AK6: variants seen among roughly 807,000 people sequenced by gnomAD.
AK6 encodes adenylate kinase isoenzyme 6.
Under a neutral mutation model 23.7 loss-of-function variants are expected in AK6, and 24 were observed. The ratio of observed to expected loss-of-function variants is 1.01; its 90% CI spans 0.73 to 1.43. The LOEUF is 1.43. Ranked by LOEUF, AK6 falls within the 40% of genes most tolerant of loss-of-function variation. AK6 has a pLI of 0.00. For missense variants in AK6, 191 were observed against 199.1 expected, an observed-to-expected ratio of 0.96 and a Z score of 0.24; for synonymous variants, 73 against 69.8, an observed-to-expected ratio of 1.05 and a Z score of -0.23.
intron 4 of AK6, among the ~76,000 whole-genome samples, chr5:69,354,995 T>A (rs1762044498): frequency 6.7e-6 from 1 of 149,764 alleles, no homozygotes; most frequent in African/African-American, 2.5e-5. Context: ...GCCCGGCTAA[T>A]TTTTTTTGCA....
At chr5:69,360,148 A>C (rs1762191622) in intron 2 of AK6, among the ~76,000 whole-genome samples, 1 of 152,204 alleles carries the variant, frequency 6.6e-6, no homozygotes, top group Non-Finnish European at 1.5e-5. Flanking sequence ...ATGTGAGTAA[A>C]AAGTTCAAAT....
chr5:69,362,215 G>A (rs1003865996), intron 2 of AK6, among the ~76,000 whole-genome samples: 3 of 151,874 alleles, frequency 2.0e-5, no homozygotes, highest in Admixed American at 6.6e-5. Flanking sequence ...TGTTACTAAG[G>A]GAGACAGGGG....
At position 69,369,321 on chromosome 5, in the gene AK6, C is replaced by T. The variant is rs1158566614; in HGVS notation, c.28+142G>A. On this transcript the variant is annotated intron_variant, in intron 1 of 4. Transcript: ENST00000380822. ...CGCAACGCCCGCGAGGGTCGGCTCC[C>T]GGGGCGCTGACAACCGCCTCGTGGC... 8 of 871,596 alleles carry T rather than the reference C, an allele frequency of 9.2e-6. No homozygotes were observed. The Admixed American group carries it at 2.0e-4, about 22-fold the overall frequency. 54.0% of individuals were successfully genotyped at this position (871,596 alleles called of 1,614,324 possible).
intron 2 of AK6, among the ~76,000 whole-genome samples, chr5:69,360,297 T>C (rs1424453441): frequency 6.6e-6 from 1 of 152,086 alleles, no homozygotes; most frequent in African/African-American, 2.4e-5. Context: ...AGGGGTACTG[T>C]AGGGATGTGT....
intron 4 of AK6, among the ~76,000 whole-genome samples, chr5:69,352,564 G>A (rs986059759): frequency 9.9e-5 from 15 of 151,852 alleles, no homozygotes; most frequent in African/African-American, 3.6e-4. Flanking sequence ...AAAAAGATTT[G>A]TAACCCAATT....
chr5:69,361,767 G>A (rs1762243925), intron 2 of AK6, among the ~76,000 whole-genome samples: 1 of 151,796 alleles, frequency 6.6e-6, no homozygotes, highest in South Asian at 2.1e-4. Flanking sequence ...ACCATACCTG[G>A]CTACTTTTTT....
chr5:69,359,677 C>T (rs1194748266), intron 2 of AK6, among the ~76,000 whole-genome samples: 6 of 152,196 alleles, frequency 3.9e-5, no homozygotes, highest in South Asian at 2.1e-4. Context: ...GAAAGCTGTT[C>T]TTTAATCATA....
upstream of AK6, chr5:69,369,582 C>CGGCCCCAAA (rs1322609339): frequency 3.1e-6 from 5 of 1,602,688 alleles, no homozygotes. Flanking sequence ...CAAAAGCCCA[C>CGGCCCCAAA]GGCCCCAAAG....
intron 2 of AK6, among the ~76,000 whole-genome samples, chr5:69,364,054 C>T (rs998806647): frequency 3.3e-5 from 5 of 152,086 alleles, no homozygotes; most frequent in African/African-American, 1.2e-4. Context: ...TGCCACTGCA[C>T]TGCAGCCTGG....
rs1320073108 is a variant in AK6, at chr5:69,364,954, CAT to C, written c.121+1547_121+1548del. ...TCAGCAAGGCTAGATTACAGATTAT[CAT>C]AGTCATCATCATCATCATCGTCATC... On this transcript the variant is annotated intron_variant, in intron 2 of 4. Transcript: ENST00000380822. 3.7e-6 allele frequency: 6 copies of C among 1,610,386 alleles called. No individual in the cohort carries two copies. In the East Asian group the frequency reaches 6.7e-5, roughly 18 times the overall value.
chr5:69,364,696 C>G (rs1762341202), intron 2 of AK6: 7 of 580,294 alleles, frequency 1.2e-5, no homozygotes, highest in South Asian at 4.3e-5. Flanking sequence ...TTGGTGACAA[C>G]AAGGAGAAAA....
chr5:69,361,969 CTTTTTTTTTT>C (rs112797204), intron 2 of AK6, among the ~76,000 whole-genome samples: 36 of 104,834 alleles, frequency 3.4e-4, no homozygotes, highest in Middle Eastern at 7.5e-3. Flanking sequence ...ACTTGATTCC[CTTTTTTTTTT>C]TTTTTTTTTT....
intron 2 of AK6, chr5:69,365,349 T>C (rs757459226): frequency 5.6e-6 from 9 of 1,614,098 alleles, no homozygotes; most frequent in Non-Finnish European, 3.4e-6. Context: ...CTGTAAAGAT[T>C]TCAGCCTATA....
At chr5:69,366,645 C>T (rs776712510) in intron 1 of AK6, 50 bp from the exon 2 acceptor site, 11 of 1,270,372 alleles carry the variant, frequency 8.7e-6, no homozygotes, top group Admixed American at 1.7e-5. Flanking sequence ...CTACTTATCA[C>T]ACTGCGGTCC....
chr5:69,368,229 A>C (rs1425513429), intron 1 of AK6, among the ~76,000 whole-genome samples: 6 of 152,320 alleles, frequency 3.9e-5, no homozygotes, highest in Admixed American at 3.3e-4. Flanking sequence ...ACAATACTAT[A>C]TACATTGTTC....
chr5:69,362,758 CA>C (rs1050701498), intron 2 of AK6, among the ~76,000 whole-genome samples: 1 of 150,876 alleles, frequency 6.6e-6, no homozygotes, highest in Non-Finnish European at 1.5e-5. Context: ...AACAAACAAA[CA>C]AAAAAACCCC....
upstream of AK6, chr5:69,369,628 C>A: frequency 6.4e-7 from 1 of 1,569,300 alleles, no homozygotes; most frequent in Non-Finnish European, 8.6e-7. Context: ...TAGCCTGCCC[C>A]GGCGGCCCAG....
At chr5:69,366,834 C>T (rs1307250181) in intron 1 of AK6, 2 of 464,268 alleles carry the variant, frequency 4.3e-6, no homozygotes, top group Non-Finnish European at 7.8e-6. Context: ...TCTTGGCTCA[C>T]TGCAACCTCC....
At chr5:69,364,826 G>A (rs1447506066) in intron 2 of AK6, 2 of 901,288 alleles carry the variant, frequency 2.2e-6, no homozygotes, top group African/African-American at 1.7e-5. Context: ...TGGTAACTGT[G>A]TTTACTCATT....
Sources: allele counts gnomAD v4.1 joint callset (sites outside exome capture counted in the v4.1 genomes callset), GRCh38; gene constraint gnomAD v4.1.1; transcripts MANE v1.5; gene names NCBI Gene and HGNC (gene_info 2026-07-23, HGNC 2026-07-21).